The following THSD7B variants were observed in gnomAD, a reference collection of about 807,000 sequenced individuals.
THSD7B encodes thrombospondin type 1 domain containing 7B.
Under a neutral mutation model 213.6 loss-of-function variants are expected in THSD7B, and 138 were observed. That is an observed-to-expected ratio of 0.65 (90% confidence interval 0.56 to 0.74). The LOEUF (loss-of-function observed/expected upper bound fraction) is 0.74. Ranked by LOEUF, THSD7B falls within the 30% of genes least tolerant of loss-of-function variation. The pLI is 0.00. For missense variants in THSD7B, 1,931 were observed against 1,991.5 expected, an observed-to-expected ratio of 0.97 and a Z score of 0.58; for synonymous variants, 742 against 687.0, an observed-to-expected ratio of 1.08 and a Z score of -1.25.
chr2:137,494,647 T>G (rs1679518033), intron 15 of THSD7B, among the ~76,000 whole-genome samples: 1 of 152,170 alleles, frequency 6.6e-6, no homozygotes, highest in Non-Finnish European at 1.5e-5. Flanking sequence ...ACACTCTTAC[T>G]CTTATTGAAT....
chr2:137,071,827 G>C (rs1222051904), intron 3 of THSD7B, among the ~76,000 whole-genome samples: 1 of 152,064 alleles, frequency 6.6e-6, no homozygotes, highest in Non-Finnish European at 1.5e-5. Context: ...TCTACATATG[G>C]CTAGCCAGTT....
chr2:137,465,031 C>A (rs537470170), intron 15 of THSD7B, among the ~76,000 whole-genome samples: 2 of 152,048 alleles, frequency 1.3e-5, no homozygotes, highest in Admixed American at 1.3e-4. Flanking sequence ...GAGCCCAAAG[C>A]ATGTTCCAAT....
At chr2:137,667,506 T>C (rs1683472294) in intron 26 of THSD7B, among the ~76,000 whole-genome samples, 1 of 152,222 alleles carries the variant, frequency 6.6e-6, no homozygotes, top group Non-Finnish European at 1.5e-5. Flanking sequence ...TTTAAGGTTT[T>C]TTTCATAGAC....
intron 5 of THSD7B, among the ~76,000 whole-genome samples, chr2:137,136,407 A>T (rs1444078705): frequency 1.3e-5 from 2 of 152,198 alleles, no homozygotes; most frequent in Non-Finnish European, 2.9e-5. Context: ...CCAGAGAACA[A>T]CAGAATGGTT....
At chr2:137,380,619 C>T (rs1034060512) in intron 12 of THSD7B, among the ~76,000 whole-genome samples, 2 of 152,204 alleles carry the variant, frequency 1.3e-5, no homozygotes, top group African/African-American at 4.8e-5. Context: ...GGGGTATAGG[C>T]AGCCTCTGGA....
chr2:137,130,631 T>C (rs1688712044), intron 5 of THSD7B, among the ~76,000 whole-genome samples: 1 of 150,744 alleles, frequency 6.6e-6, no homozygotes, highest in Non-Finnish European at 1.5e-5. Context: ...ATGTGGTGTT[T>C]GGTTTTTTGT....
At chr2:137,626,328 G>A (rs182568180) in intron 20 of THSD7B, among the ~76,000 whole-genome samples, 16 of 152,184 alleles carry the variant, frequency 1.1e-4, no homozygotes, top group South Asian at 8.3e-4. Flanking sequence ...GCCAGGTGCC[G>A]TGGCGGGCGC....
chr2:137,285,361 C>T (rs1022269854), intron 12 of THSD7B, among the ~76,000 whole-genome samples: 1 of 152,048 alleles, frequency 6.6e-6, no homozygotes, highest in Non-Finnish European at 1.5e-5. Context: ...TCCAATTTGC[C>T]CGTCTGTGTC....
intron 12 of THSD7B, among the ~76,000 whole-genome samples, chr2:137,294,009 A>G (rs535320283): frequency 6.6e-5 from 10 of 152,004 alleles, no homozygotes; most frequent in Non-Finnish European, 1.5e-4. Flanking sequence ...TCACCTTTAC[A>G]CTTAACTTTC....
chr2:137,584,371 C>T (rs576496717), intron 17 of THSD7B, among the ~76,000 whole-genome samples: 1 of 151,952 alleles, frequency 6.6e-6, no homozygotes, highest in East Asian at 1.9e-4. Flanking sequence ...ACTTCCAACA[C>T]TATGAATACG....
At chr2:137,190,732 T>C (rs926824135) in intron 7 of THSD7B, among the ~76,000 whole-genome samples, 1 of 152,118 alleles carries the variant, frequency 6.6e-6, no homozygotes, top group South Asian at 2.1e-4. Context: ...AGAGAGGAAA[T>C]GATTTACAGT....
At chr2:137,398,798 G>C (rs1340506819) in intron 12 of THSD7B, among the ~76,000 whole-genome samples, 1 of 152,218 alleles carries the variant, frequency 6.6e-6, no homozygotes, top group East Asian at 1.9e-4. Flanking sequence ...TCAGACTGCT[G>C]TGCTAGCAAT....
chr2:137,310,982 A>ATGCGGGCTCT (rs1182394147), intron 12 of THSD7B, among the ~76,000 whole-genome samples: 2 of 151,110 alleles, frequency 1.3e-5, no homozygotes, highest in Non-Finnish European at 2.9e-5. Flanking sequence ...TGACTTGGTG[A>ATGCGGGCTCT]TGCGGGCTCT....
intron 15 of THSD7B, among the ~76,000 whole-genome samples, chr2:137,556,435 C>A (rs1334097829): frequency 1.3e-5 from 2 of 152,080 alleles, no homozygotes; most frequent in African/African-American, 4.8e-5. Flanking sequence ...TCATATCCAG[C>A]CAAACTAAGC....
rs368197484 is a variant in THSD7B, at chr2:137,311,112, C to T, written c.2500+35086C>T. Among the ~76,000 whole-genome samples, 30 of 151,156 alleles carry T rather than the reference C, an allele frequency of 2.0e-4. No homozygotes were observed. The South Asian group carries it at 4.9e-3, about 25-fold the overall frequency. ...ACCTTGGGCAGTATGGCCATTTTCA[C>T]GATATTGATTCTTCCTACCCATGAG... On this transcript the variant is annotated intron_variant, in intron 12 of 27. Coordinates refer to ENST00000409968, the MANE Select transcript of THSD7B (RefSeq NM_001316349.2).
At chr2:137,261,933 A>T (rs1293782833) in intron 10 of THSD7B, among the ~76,000 whole-genome samples, 1 of 151,762 alleles carries the variant, frequency 6.6e-6, no homozygotes, top group South Asian at 2.1e-4. Context: ...AAAAAAAAAA[A>T]AGCCCAGGAT....
chr2:136,954,599 C>A (rs368846680), intron 2 of THSD7B, among the ~76,000 whole-genome samples: 9 of 151,678 alleles, frequency 5.9e-5, no homozygotes, highest in African/African-American at 2.2e-4. Context: ...GCCTGTAGTC[C>A]CAGCTACTCT....
At chr2:137,035,584 A>G (rs1199502570) in intron 2 of THSD7B, among the ~76,000 whole-genome samples, 2 of 151,734 alleles carry the variant, frequency 1.3e-5, no homozygotes, top group East Asian at 1.9e-4. Context: ...AAACCATTCT[A>G]TCCTGAGATC....
intron 14 of THSD7B, among the ~76,000 whole-genome samples, chr2:137,448,800 AAACAACAACAACAACAAC>A (rs147631065): frequency 2.1e-5 from 3 of 144,866 alleles, no homozygotes; most frequent in African/African-American, 5.4e-5. Context: ...CTCCATCTCA[AAACAACAACAACAACAAC>A]AACAACAACA....
Sources: allele counts gnomAD v4.1 joint callset (sites outside exome capture counted in the v4.1 genomes callset), GRCh38; gene constraint gnomAD v4.1.1; transcripts MANE v1.5; gene names NCBI Gene and HGNC (gene_info 2026-07-23, HGNC 2026-07-21).